The following LRRC20 variants were observed in gnomAD, a reference collection of about 807,000 sequenced individuals.
LRRC20 encodes leucine rich repeat containing 20, also known as leucine-rich repeat-containing protein 20.
Under a neutral mutation model 14.4 loss-of-function variants are expected in LRRC20, and 11 were observed. The observed-to-expected ratio is 0.77, with a 90% confidence interval of 0.48 to 1.27. The LOEUF is 1.27. LRRC20 is among the 50% of genes most tolerant of loss of function. The probability of loss-of-function intolerance (pLI) is 0.00; values close to 1 mark genes in which losing one functional copy is unlikely to be tolerated. For synonymous variants in LRRC20, 121 were observed against 107.3 expected, an observed-to-expected ratio of 1.13 and a Z score of -0.79; for missense variants, 219 against 251.2, an observed-to-expected ratio of 0.87 and a Z score of 0.87.
chr10:70,359,319 G>A (rs896905817), intron 2 of LRRC20, among the ~76,000 whole-genome samples: 1 of 152,216 alleles, frequency 6.6e-6, no homozygotes, highest in African/African-American at 2.4e-5. Context: ...CACTTTGGGA[G>A]GCAGAGATGG....
chr10:70,311,474 G>A (rs12762591), intron 4 of LRRC20, among the ~76,000 whole-genome samples: 36,971 of 151,788 alleles, frequency 0.24, 5,661 homozygotes, highest in Non-Finnish European at 0.33. Context: ...CACCTGCCTC[G>A]GCCTCCCAAA....
chr10:70,339,566 C>T (rs1050021242), intron 3 of LRRC20, among the ~76,000 whole-genome samples: 1 of 152,130 alleles, frequency 6.6e-6, no homozygotes, highest in Non-Finnish European at 1.5e-5. Flanking sequence ...GCAATTCTCC[C>T]ACTCCACTCG....
intron 3 of LRRC20, among the ~76,000 whole-genome samples, chr10:70,327,435 C>T (rs544016021): frequency 3.9e-5 from 6 of 152,112 alleles, no homozygotes; most frequent in Admixed American, 1.3e-4. Flanking sequence ...ATGAGTCAGG[C>T]AGGGTGGCAC....
intron 2 of LRRC20, among the ~76,000 whole-genome samples, chr10:70,349,363 A>G (rs907906635): frequency 6.6e-6 from 1 of 152,158 alleles, no homozygotes; most frequent in Non-Finnish European, 1.5e-5. Flanking sequence ...GGATCACCTG[A>G]GGTCAGGAGT....
At chr10:70,336,912 G>A (rs192487254) in intron 3 of LRRC20, among the ~76,000 whole-genome samples, 13 of 152,344 alleles carry the variant, frequency 8.5e-5, no homozygotes, top group Admixed American at 2.6e-4. Flanking sequence ...AGGGACAGAA[G>A]AGCCACAGCA....
chr10:70,351,680 A>G (rs1564634807), intron 2 of LRRC20, among the ~76,000 whole-genome samples: 1 of 152,242 alleles, frequency 6.6e-6, no homozygotes, highest in Non-Finnish European at 1.5e-5. Flanking sequence ...TCAATCAAAC[A>G]TTGCATAAGT....
intron 4 of LRRC20, among the ~76,000 whole-genome samples, chr10:70,309,167 A>G (rs537916288): frequency 2.1e-4 from 32 of 151,806 alleles, no homozygotes; most frequent in Non-Finnish European, 4.3e-4. Flanking sequence ...AGTAAGAAAG[A>G]CCCCTCGCAC....
chr10:70,316,995 G>A (rs1841888938), intron 4 of LRRC20, among the ~76,000 whole-genome samples: 1 of 152,228 alleles, frequency 6.6e-6, no homozygotes, highest in African/African-American at 2.4e-5. Context: ...TAGAGGTCAG[G>A]GCAAGGGTCA....
intron 3 of LRRC20, among the ~76,000 whole-genome samples, chr10:70,324,724 C>T (rs1051572105): frequency 2.6e-5 from 4 of 152,076 alleles, no homozygotes; most frequent in Non-Finnish European, 5.9e-5. Context: ...GCCGGGCGCC[C>T]ACAGGGCCCT....
intron 2 of LRRC20, among the ~76,000 whole-genome samples, chr10:70,375,388 A>T (rs1375170757): frequency 2.6e-5 from 4 of 152,138 alleles, no homozygotes; most frequent in Non-Finnish European, 5.9e-5. Flanking sequence ...AAAGGGAGCA[A>T]AGGGTGGATG....
At chr10:70,369,721 G>A (rs1844190332) in intron 2 of LRRC20, among the ~76,000 whole-genome samples, 1 of 151,616 alleles carries the variant, frequency 6.6e-6, no homozygotes, top group Non-Finnish European at 1.5e-5. Context: ...CTTTGTCATA[G>A]GGTTGTCATG....
chr10:70,339,418 C>T (rs1842829534), intron 3 of LRRC20, among the ~76,000 whole-genome samples: 1 of 152,154 alleles, frequency 6.6e-6, no homozygotes, highest in African/African-American at 2.4e-5. Flanking sequence ...TCCTGGAAGA[C>T]AGAGGGCAGG....
At chr10:70,307,319 G>C (rs1353412997) in intron 4 of LRRC20, among the ~76,000 whole-genome samples, 1 of 152,202 alleles carries the variant, frequency 6.6e-6, no homozygotes, top group African/African-American at 2.4e-5. Context: ...CTGTCCTTAG[G>C]AGCCAATGTG....
chr10:70,370,770 AAAACAAGTAT>A (rs1204734156), intron 2 of LRRC20, among the ~76,000 whole-genome samples: 1 of 152,040 alleles, frequency 6.6e-6, no homozygotes, highest in Admixed American at 6.6e-5. Flanking sequence ...GTAAAGATTT[AAAACAAGTAT>A]AGGCTGAGAC....
intron 2 of LRRC20, among the ~76,000 whole-genome samples, chr10:70,358,610 C>T (rs1843613337): frequency 6.6e-6 from 1 of 152,196 alleles, no homozygotes; most frequent in Non-Finnish European, 1.5e-5. Context: ...GACACCACTG[C>T]CTGGCATGGC....
At chr10:70,377,447 A>G (rs1269340156) in intron 1 of LRRC20, among the ~76,000 whole-genome samples, 1 of 152,220 alleles carries the variant, frequency 6.6e-6, no homozygotes, top group Non-Finnish European at 1.5e-5. Context: ...GGGCTAGGTG[A>G]CCTGGCCAAG....
At chr10:70,344,393 C>T (rs1163372028) in intron 2 of LRRC20, among the ~76,000 whole-genome samples, 3 of 152,142 alleles carry the variant, frequency 2.0e-5, no homozygotes, top group South Asian at 4.2e-4. Context: ...AGCAAAGCGG[C>T]TAATCAAATA....
chr10:70,338,745 C>T (rs1419655742), intron 3 of LRRC20, among the ~76,000 whole-genome samples: 1 of 152,224 alleles, frequency 6.6e-6, no homozygotes, highest in African/African-American at 2.4e-5. Context: ...ACTGCAACCT[C>T]CACCTTCCGG....
chr10:70,353,810 C>T (rs1843418112), intron 2 of LRRC20, among the ~76,000 whole-genome samples: 2 of 152,170 alleles, frequency 1.3e-5, no homozygotes, highest in South Asian at 2.1e-4. Flanking sequence ...AACCCGCATT[C>T]AGGACAGCCT....
Sources: gnomAD v4.1 joint callset for allele counts (sites outside exome capture counted in the v4.1 genomes callset) on GRCh38, gnomAD v4.1.1 for gene constraint, MANE v1.5 for transcripts, NCBI Gene and HGNC (gene_info 2026-07-23, HGNC 2026-07-21) for gene names.